Variants in DDX6 observed in about 807,000 individuals in gnomAD.
DDX6 encodes the protein probable ATP-dependent RNA helicase DDX6.
A neutral mutation model predicts 60.6 loss-of-function variants in DDX6; 7 were observed. That is an observed-to-expected ratio of 0.12 (90% CI 0.07 to 0.22). DDX6 has a LOEUF of 0.22. Ranked by LOEUF, DDX6 falls within the 10% of genes least tolerant of loss-of-function variation. The pLI, the probability that DDX6 is intolerant of heterozygous loss-of-function variation, is 1.00. For synonymous variants in DDX6, 207 were observed against 201.0 expected (o/e 1.03, Z -0.25); for missense variants, 270 against 589.9 (o/e 0.46, Z 5.62).
intron 2 of DDX6, 80 bp from the exon 3 acceptor site, chr11:118,781,264 T>G: frequency 1.1e-6 from 1 of 904,306 alleles, no homozygotes; most frequent in Non-Finnish European, 1.7e-6. Flanking sequence ...TATAATTAAG[T>G]GTTAAAAAAG....
intron 4 of DDX6, among the ~76,000 whole-genome samples, chr11:118,774,435 T>C (rs1448611961): frequency 6.6e-6 from 1 of 150,812 alleles, no homozygotes; most frequent in Non-Finnish European, 1.5e-5. Context: ...TGAGAGCATA[T>C]AATTTTAAGT....
At chr11:118,755,557 A>G (rs1022540958) in intron 11 of DDX6, 54 bp from the exon 12 acceptor site, 17 of 939,232 alleles carry the variant, frequency 1.8e-5, no homozygotes, top group Non-Finnish European at 2.9e-5. Context: ...GTCTCTCAGT[A>G]CAATACTAAC....
chr11:118,754,977 A>T (rs2137412930), intron 12 of DDX6, 90 bp from the exon 13 acceptor site: 1 of 1,106,900 alleles, frequency 9.0e-7, no homozygotes, highest in South Asian at 1.6e-5. Context: ...ACCACACAGG[A>T]TTGATAATGA....
intron 5 of DDX6, among the ~76,000 whole-genome samples, chr11:118,766,483 A>G (rs1861358036): frequency 6.6e-6 from 1 of 152,228 alleles, no homozygotes. Flanking sequence ...ATCATTACAC[A>G]GGACATTATG....
intron 4 of DDX6, among the ~76,000 whole-genome samples, chr11:118,777,541 T>C (rs918490136): frequency 6.6e-6 from 1 of 152,168 alleles, no homozygotes; most frequent in Non-Finnish European, 1.5e-5. Context: ...GATCCTTGGA[T>C]GCCAATGCTG....
chr11:118,749,815 GAA>G lies in DDX6; in HGVS notation c.*2288_*2289del, dbSNP rs1555156748. 1.3e-5 allele frequency: 2 copies of G among 152,442 alleles called. No individual in the cohort carries two copies. The highest frequency in any genetic ancestry group is 4.8e-5 in the African/African-American group (2 of 41,394). 9.4% of individuals were successfully genotyped at this position (152,442 alleles called of 1,614,324 possible). On this transcript the variant is annotated 3_prime_UTR_variant, in exon 14 of 14. Transcript: ENST00000534980. ...AAATTCCCTCTCCCACCCCTCCCTG[GAA>G]AAAAGTTACTTCCTTAATTAGGTTT...
chr11:118,784,567 T>TC (rs1862011516), intron 2 of DDX6, among the ~76,000 whole-genome samples: 1 of 151,888 alleles, frequency 6.6e-6, no homozygotes, highest in Admixed American at 6.6e-5. Context: ...CAAGTGATTC[T>TC]CCCGCCTCAG....
intron 2 of DDX6, among the ~76,000 whole-genome samples, chr11:118,782,440 GCAGA>G (rs1449143880): frequency 6.6e-6 from 1 of 151,556 alleles, no homozygotes; most frequent in South Asian, 2.1e-4. Flanking sequence ...GGGAACATCT[GCAGA>G]CAAAGTATTT....
rs1860771292 is a variant in DDX6 at position 118,751,568 on chromosome 11, A to G, written c.*537T>C. On this transcript the variant is annotated 3_prime_UTR_variant, in exon 14 of 14. Coordinates refer to ENST00000534980, the MANE Select transcript of DDX6 (RefSeq NM_004397.6). ...TTTTTTAAAAGAAAAAGAAAAAAAA[A>G]CGGAAAGAAAGAGTTACTATTGTTG... 6.5e-6 allele frequency: 1 copy of G among 153,012 alleles called. No individual in the cohort carries two copies. Among genetic ancestry groups the G allele is most frequent in the African/African-American group, 2.4e-5 (1 of 41,458 alleles). The allele number at this position is 153,012 out of a possible 1,614,324, so 9.5% of individuals were successfully genotyped here.
chr11:118,781,265 G>A, intron 2 of DDX6, 81 bp from the exon 3 acceptor site: 1 of 864,170 alleles, frequency 1.2e-6, no homozygotes, highest in Non-Finnish European at 1.8e-6. Flanking sequence ...ATAATTAAGT[G>A]TTAAAAAAGC....
At chr11:118,780,810 A>T (rs911334030) in intron 3 of DDX6, among the ~76,000 whole-genome samples, 1 of 152,192 alleles carries the variant, frequency 6.6e-6, no homozygotes, top group Admixed American at 6.5e-5. Flanking sequence ...TCTTTGTTGT[A>T]AAGGGCTGTC....
Position 118,749,683 on chromosome 11 carries a change from CTT to C in DDX6, c.*2420_*2421del, listed in dbSNP as rs1403206721. Reference sequence around the variant, plus strand: ...CGAGATACAGAATTGCATTTATACTCTTTTCTTCTACATGAATGATCCCTCTT... The same window carrying C: ...CGAGATACAGAATTGCATTTATACTCTTCTTCTACATGAATGATCCCTCTT... On this transcript the variant is annotated 3_prime_UTR_variant, in exon 14 of 14. Transcript: ENST00000534980. 1.3e-5 allele frequency: 2 copies of C among 152,638 alleles called. No homozygotes were observed. The highest frequency in any genetic ancestry group is 6.5e-5 in the Admixed American group (1 of 15,270). 9.5% of individuals were successfully genotyped at this position (152,638 alleles called of 1,614,324 possible). A position where few individuals can be genotyped will look rare whatever the true frequency, so the allele number is the denominator to read the frequency against.
intron 4 of DDX6, among the ~76,000 whole-genome samples, chr11:118,776,638 T>C (rs535035511): frequency 1.3e-5 from 2 of 152,072 alleles, no homozygotes; most frequent in African/African-American, 4.8e-5. Flanking sequence ...ATCGAGACCA[T>C]CCTGGCTAAC....
chr11:118,775,676 G>A (rs1269553324), intron 4 of DDX6, among the ~76,000 whole-genome samples: 1 of 152,226 alleles, frequency 6.6e-6, no homozygotes, highest in Non-Finnish European at 1.5e-5. Context: ...GTGAGGGAGA[G>A]TACTTATTTC....
At chr11:118,756,494 A>G (rs1555158976) in intron 10 of DDX6, among the ~76,000 whole-genome samples, 171 bp from the exon 11 acceptor site, 1 of 152,256 alleles carries the variant, frequency 6.6e-6, no homozygotes, top group East Asian at 1.9e-4. Flanking sequence ...CTTCGTCTAC[A>G]GAAACTGTTT....
chr11:118,781,771 T>C (rs1861908168), intron 2 of DDX6, among the ~76,000 whole-genome samples: 1 of 150,214 alleles, frequency 6.7e-6, no homozygotes, highest in South Asian at 2.1e-4. Flanking sequence ...CTACTGAAAA[T>C]ACAAAAATTA....
At chr11:118,782,483 C>T (rs146588658) in intron 2 of DDX6, among the ~76,000 whole-genome samples, 69 of 152,006 alleles carry the variant, frequency 4.5e-4, no homozygotes, top group African/African-American at 1.6e-3. Context: ...AAAGTTTTCA[C>T]TGCAGCTGTT....
At chr11:118,753,402 C>T (rs1303089568) in intron 13 of DDX6, among the ~76,000 whole-genome samples, 5 of 123,840 alleles carry the variant, frequency 4.0e-5, no homozygotes, top group South Asian at 3.0e-4. Flanking sequence ...TGCAGTGGTG[C>T]GGTCTCAGCT....
At chr11:118,759,553 T>C (rs1555159722) in intron 8 of DDX6, among the ~76,000 whole-genome samples, 1 of 152,240 alleles carries the variant, frequency 6.6e-6, no homozygotes, top group East Asian at 1.9e-4. Context: ...CATTTCCTTT[T>C]AGCATCATGT....
Sources: allele counts gnomAD v4.1 joint callset (sites outside exome capture counted in the v4.1 genomes callset), GRCh38; gene constraint gnomAD v4.1.1; transcripts MANE v1.5; gene names NCBI Gene and HGNC (gene_info 2026-07-23, HGNC 2026-07-21).